Variants in COPG2 observed in about 807,000 individuals in gnomAD.
COPG2 encodes the protein coat protein complex I subunit gamma 2.
Under a neutral mutation model 46.3 loss-of-function variants are expected in COPG2, and 37 were observed. The observed-to-expected ratio is 0.80, with a 90% CI of 0.61 to 1.05. COPG2 has a LOEUF of 1.05. COPG2 is among the 50% of genes least tolerant of loss of function. COPG2 has a pLI of 0.00. For synonymous variants in COPG2, 159 were observed against 129.7 expected, an observed-to-expected ratio of 1.23 and a Z score of -1.53; for missense variants, 427 against 387.8, an observed-to-expected ratio of 1.10 and a Z score of -0.85.
chr7:130,663,237 T>A (rs1796012401), intron 3 of COPG2, among the ~76,000 whole-genome samples, 199 bp from the exon 4 acceptor site: 1 of 152,212 alleles, frequency 6.6e-6, no homozygotes, highest in Non-Finnish European at 1.5e-5. Context: ...CCCCCCTTAT[T>A]TAAAATAATT....
At chr7:130,578,920 C>G (rs1263878707) in intron 9 of COPG2, among the ~76,000 whole-genome samples, 4 of 149,440 alleles carry the variant, frequency 2.7e-5, no homozygotes, top group African/African-American at 9.9e-5. Context: ...TTGGAAAACA[C>G]TCTGCAGGAT....
At chr7:130,546,975 G>A (rs1477476288) in intron 20 of COPG2, 1 of 152,158 alleles carries the variant, frequency 6.6e-6, no homozygotes, top group African/African-American at 2.4e-5. Context: ...GAGAAGAGAA[G>A]AAATCAAGGA....
At chr7:130,624,777 T>C (rs1795090509) in intron 5 of COPG2, among the ~76,000 whole-genome samples, 1 of 152,236 alleles carries the variant, frequency 6.6e-6, no homozygotes, top group Non-Finnish European at 1.5e-5. Flanking sequence ...TTCCATGGTG[T>C]ATATACATAC....
chr7:130,603,138 T>C (rs1794668289), intron 9 of COPG2, among the ~76,000 whole-genome samples: 2 of 152,282 alleles, frequency 1.3e-5, no homozygotes, highest in South Asian at 4.1e-4. Context: ...CATGACAGTA[T>C]GAAAATCATA....
chr7:130,619,090 T>G (rs1794995603), intron 5 of COPG2, among the ~76,000 whole-genome samples: 1 of 152,206 alleles, frequency 6.6e-6, no homozygotes, highest in African/African-American at 2.4e-5. Context: ...ATTTGTTTTG[T>G]GTTACATCTC....
At chr7:130,536,683 G>A (rs1249924365) in intron 20 of COPG2, among the ~76,000 whole-genome samples, 1 of 152,180 alleles carries the variant, frequency 6.6e-6, no homozygotes, top group Non-Finnish European at 1.5e-5. Context: ...GGTCAAGACT[G>A]TCAGGTGTGG....
chr7:130,588,026 C>T (rs1370711548), intron 9 of COPG2, among the ~76,000 whole-genome samples: 3 of 152,018 alleles, frequency 2.0e-5, no homozygotes, highest in African/African-American at 4.8e-5. Flanking sequence ...ATTTATGCAA[C>T]CAAAAAACAC....
At position 130,564,256 on chromosome 7, in the gene COPG2, A is replaced by C. The variant is rs985951745; in HGVS notation, c.871+4T>G. The C allele has an allele frequency of 7.5e-6, 3 of 398,616 alleles. No homozygotes were observed. The highest frequency in any genetic ancestry group is 6.3e-4 in the Middle Eastern group (1 of 1,588). 24.7% of individuals were successfully genotyped at this position (398,616 alleles called of 1,614,324 possible). A position where few individuals can be genotyped will look rare whatever the true frequency, so the allele number is the denominator to read the frequency against. On this transcript the variant is annotated splice_donor_region_variant and intron_variant, in intron 10 of 23. Coordinates refer to ENST00000425248, the MANE Select transcript of COPG2 (RefSeq NM_012133.6). ...AAAAGCCAGCCATCAAATATAAAACAAACCTGAAACAGCAGGTGCCAACTC... is the reference window on the plus strand; with the variant it reads ...AAAAGCCAGCCATCAAATATAAAACCAACCTGAAACAGCAGGTGCCAACTC...
intron 12 of COPG2, among the ~76,000 whole-genome samples, chr7:130,558,901 T>TA (rs1793674369): frequency 6.6e-6 from 1 of 152,008 alleles, no homozygotes; most frequent in Admixed American, 6.6e-5. Context: ...GCATATATAA[T>TA]AAAAAAATTC....
intron 9 of COPG2, among the ~76,000 whole-genome samples, chr7:130,586,263 C>T (rs1340658907): frequency 6.6e-6 from 1 of 151,896 alleles, no homozygotes; most frequent in Admixed American, 6.6e-5. Context: ...AGGAGCTAAG[C>T]TATGAGGACT....
chr7:130,550,692 A>T, intron 16 of COPG2, 43 bp from the exon 17 acceptor site: 1 of 393,602 alleles, frequency 2.5e-6, no homozygotes, highest in East Asian at 3.6e-5. Flanking sequence ...CCTCTTGCCA[A>T]TCCTCGAATC....
chr7:130,636,044 T>C (rs1197378964), intron 5 of COPG2, among the ~76,000 whole-genome samples: 1 of 152,236 alleles, frequency 6.6e-6, no homozygotes, highest in African/African-American at 2.4e-5. Context: ...GAATTCTAAT[T>C]GGATTGCACC....
Position 130,668,351 on chromosome 7 carries a change from A to C in COPG2, c.37+281T>G, listed in dbSNP as rs560770069. ...GCCGGAGGCCCGCGCGCAGGGGAGGAGGCGGCTCGGAGGGGCTGCGCCGCA... is the reference window on the plus strand; with the variant it reads ...GCCGGAGGCCCGCGCGCAGGGGAGGCGGCGGCTCGGAGGGGCTGCGCCGCA... On this transcript the variant is annotated intron_variant, in intron 1 of 23. Coordinates refer to ENST00000425248, the MANE Select transcript of COPG2 (RefSeq NM_012133.6). 2.3e-3 allele frequency among the ~76,000 whole-genome samples: 343 copies of C among 148,912 alleles called. 1 individual carries two copies. Among genetic ancestry groups the C allele is most frequent in the African/African-American group, 7.7e-3 (314 of 40,568 alleles).
At chr7:130,559,767 A>G (rs1266600176) in intron 12 of COPG2, among the ~76,000 whole-genome samples, 5 of 152,240 alleles carry the variant, frequency 3.3e-5, no homozygotes, top group African/African-American at 1.2e-4. Flanking sequence ...AGCAACTGCT[A>G]CACCAGATGC....
intron 20 of COPG2, chr7:130,547,195 T>C (rs1793458538): frequency 6.6e-6 from 1 of 152,460 alleles, no homozygotes; most frequent in African/African-American, 2.4e-5. Flanking sequence ...CTCACTAGGC[T>C]GAGACATGCT....
chr7:130,509,256 G>A (rs1584957750), intron 20 of COPG2: 2 of 511,914 alleles, frequency 3.9e-6, no homozygotes, highest in Non-Finnish European at 7.8e-6. Context: ...GGAAAAGCAA[G>A]TGGGCAGTTG....
chr7:130,577,767 C>CAAAAAAAAAAAAAAA (rs782674348), intron 9 of COPG2, among the ~76,000 whole-genome samples: 6 of 78,146 alleles, frequency 7.7e-5, no homozygotes, highest in Non-Finnish European at 8.8e-5. Context: ...GACTCCGTCT[C>CAAAAAAAAAAAAAAA]AAAAAAAAAA....
chr7:130,508,980 A>G (rs1799550154), intron 20 of COPG2: 2 of 475,020 alleles, frequency 4.2e-6, no homozygotes, highest in South Asian at 1.7e-5. Flanking sequence ...AAAGGGGCCT[A>G]AATGTTGAAA....
chr7:130,606,735 C>T (rs1334515521), intron 9 of COPG2, among the ~76,000 whole-genome samples: 2 of 152,180 alleles, frequency 1.3e-5, no homozygotes, highest in African/African-American at 2.4e-5. Context: ...TGCAATCTTC[C>T]CTTCCTGACA....
Sources: gnomAD v4.1 joint callset for allele counts (sites outside exome capture counted in the v4.1 genomes callset) on GRCh38, gnomAD v4.1.1 for gene constraint, MANE v1.5 for transcripts, NCBI Gene and HGNC (gene_info 2026-07-23, HGNC 2026-07-21) for gene names.